RSPH10B: variants seen among roughly 807,000 people sequenced by gnomAD.
RSPH10B encodes radial spoke head 10 homolog B (Chlamydomonas).
A neutral mutation model predicts 52.5 loss-of-function variants in RSPH10B; 7 were observed. That is an observed-to-expected ratio of 0.13 (90% CI 0.08 to 0.25). The LOEUF (loss-of-function observed/expected upper bound fraction) is 0.25. RSPH10B is among the 10% of genes least tolerant of loss of function. RSPH10B has a pLI of 1.00. For synonymous variants in RSPH10B, 28 were observed against 193.2 expected (o/e 0.14, Z 7.09); for missense variants, 89 against 542.5 (o/e 0.16, Z 8.30).
chr7:5,963,165 C>T lies in RSPH10B; in HGVS notation c.399+1337G>A, dbSNP rs1489692917. 2 of 24,650 alleles carry T rather than the reference C, an allele frequency of 8.1e-5. 1 individual carries two copies. The highest frequency in any genetic ancestry group is 1.3e-4 in the Non-Finnish European group (2 of 15,804). 1.5% of individuals were successfully genotyped at this position (24,650 alleles called of 1,614,324 possible). ...AGGTTGCAGTGAGCCGAGATCCCCC[C>T]GCTGCACTCCAGCCTGGGTGACAGA... On this transcript the variant is annotated intron_variant, in intron 3 of 18. Transcript: ENST00000337579.
chr7:5,938,989 G>T (rs1479411430), intron 13 of RSPH10B, among the ~76,000 whole-genome samples, 160 bp from the exon 16 acceptor site: 1 of 76,578 alleles, frequency 1.3e-5, no homozygotes, highest in Non-Finnish European at 2.8e-5. Context: ...AGGCTGCTAG[G>T]CAGTGGCGCA....
At chr7:5,940,518 A>C (rs1459655966) in intron 13 of RSPH10B, among the ~76,000 whole-genome samples, 14 of 3,392 alleles carry the variant, frequency 4.1e-3, no homozygotes, top group Middle Eastern at 0.038. Flanking sequence ...ACAACAACAA[A>C]AAAAAAACTC....
intron 11 of RSPH10B, among the ~76,000 whole-genome samples, chr7:5,944,855 C>T (rs544133756): frequency 6.8e-6 from 1 of 146,372 alleles, no homozygotes; most frequent in East Asian, 2.0e-4. Flanking sequence ...CTCAGCTACC[C>T]AGGAGCCTGA....
chr7:5,927,033 G>GTA (rs1423274213), intron 18 of RSPH10B, among the ~76,000 whole-genome samples: 1 of 45,538 alleles, frequency 2.2e-5, no homozygotes, highest in Non-Finnish European at 4.5e-5. Context: ...GTGTGTGTGT[G>GTA]TGTGTGTGTG....
chr7:5,954,988 T>TA (rs1185408288), intron 7 of RSPH10B, among the ~76,000 whole-genome samples: 1,720 of 24,254 alleles, frequency 0.071, 160 homozygotes, highest in African/African-American at 0.086. Context: ...CTGTAACTAC[T>TA]AAAAAAAAAA....
intron 18 of RSPH10B, among the ~76,000 whole-genome samples, chr7:5,927,048 T>TGTGTGTGTGTGTGTGTGTGTGTGTGTG (rs1347951159): frequency 2.8e-5 from 2 of 70,822 alleles, no homozygotes; most frequent in African/African-American, 8.6e-5. Context: ...TGTGTGTGTA[T>TGTGTGTGTGTGTGTGTGTGTGTGTGTG]TATGTGTGTG....
At chr7:5,966,934 G>T in exon 1 of RSPH10B, 1 of 1,381,680 alleles carries the variant, frequency 7.2e-7, no homozygotes, top group South Asian at 1.1e-5. Context: ...GAACGTTTTG[G>T]CGGTCTTTTT....
chr7:5,954,143 A>ATT (rs1010958680), intron 7 of RSPH10B, among the ~76,000 whole-genome samples: 3 of 120,796 alleles, frequency 2.5e-5, no homozygotes, highest in Admixed American at 9.1e-5. Flanking sequence ...GTGCCCCACA[A>ATT]TTTTTTTTTT....
At chr7:5,931,079 G>T (rs1214284297) in intron 17 of RSPH10B, among the ~76,000 whole-genome samples, 1 of 121,396 alleles carries the variant, frequency 8.2e-6, no homozygotes, top group African/African-American at 3.1e-5. Context: ...GACTACAGGC[G>T]TGTGCCACCA....
At chr7:5,952,906 AT>A (rs1406430170) in intron 8 of RSPH10B, among the ~76,000 whole-genome samples, 168 bp downstream of exon 10, 2 of 40,836 alleles carry the variant, frequency 4.9e-5, no homozygotes, top group African/African-American at 2.9e-4. Flanking sequence ...CGCCTGGCTA[AT>A]TTTTTTTTAT....
At chr7:5,929,376 GC>G (rs1779697536) in intron 17 of RSPH10B, among the ~76,000 whole-genome samples, 2 of 115,014 alleles carry the variant, frequency 1.7e-5, no homozygotes, top group African/African-American at 7.3e-5. Context: ...TCGCTATGTT[GC>G]CCATGGTCTC....
chr7:5,931,316 G>T lies in RSPH10B; in HGVS notation c.2233+1466C>A, dbSNP rs1419375629. Among the ~76,000 whole-genome samples, 2 of 151,076 alleles carry T rather than the reference G, an allele frequency of 1.3e-5. 1 individual carries two copies. Among genetic ancestry groups the T allele is most frequent in the African/African-American group, 4.9e-5 (2 of 41,042 alleles). The stretch of plus-strand genomic sequence containing the variant: ...CACTGGAGGAGGAGTAACGGGAAAC[G>T]ACAGGCACTGTAGAGGGGGATACAC... On this transcript the variant is annotated intron_variant, in intron 17 of 18. Coordinates refer to ENST00000337579, the Ensembl canonical transcript of RSPH10B.
intron 1 of RSPH10B, among the ~76,000 whole-genome samples, chr7:5,966,298 T>A (rs1287030903): frequency 9.0e-5 from 8 of 88,956 alleles, no homozygotes; most frequent in African/African-American, 3.0e-4. Context: ...AATTGTACAC[T>A]TAAAATAATT....
exon 18 of RSPH10B, chr7:5,928,387 A>G (rs150260925): frequency 1.2e-6 from 2 of 1,612,886 alleles, no homozygotes; most frequent in Non-Finnish European, 1.7e-6. Context: ...TGGGTCTCTC[A>G]TATTTCTCTG....
At position 5,940,056 on chromosome 7, in the gene RSPH10B, G is replaced by T. The variant is rs925104215; in HGVS notation, c.1759-1227C>A. On this transcript the variant is annotated intron_variant, in intron 13 of 18. Coordinates refer to ENST00000337579, the Ensembl canonical transcript of RSPH10B. Reference sequence around the variant, plus strand: ...CTAAAAATACAAAAAAATTAGCTGCGCATGGTGGCGTGTGCCTGTAGTCCC... The same window carrying T: ...CTAAAAATACAAAAAAATTAGCTGCTCATGGTGGCGTGTGCCTGTAGTCCC... Among the ~76,000 whole-genome samples, 7 of 129,552 alleles carry T rather than the reference G, an allele frequency of 5.4e-5. 2 individuals carry two copies. Among genetic ancestry groups the T allele is most frequent in the Non-Finnish European group, 1.2e-4 (7 of 56,136 alleles). 85.0% of individuals were successfully genotyped at this position (129,552 alleles called of 152,430 possible).
chr7:5,927,056 G>GTATATA (rs1562553137), intron 18 of RSPH10B, among the ~76,000 whole-genome samples: 2 of 78,312 alleles, frequency 2.6e-5, no homozygotes, highest in African/African-American at 1.2e-4. Flanking sequence ...TATTATGTGT[G>GTATATA]TGTGTGTGTG....
chr7:5,931,847 G>A (rs904772145), intron 17 of RSPH10B, among the ~76,000 whole-genome samples: 2 of 150,934 alleles, frequency 1.3e-5, no homozygotes, highest in Non-Finnish European at 3.0e-5. Context: ...AAAAATACAA[G>A]GTGCAGTGAT....
Position 5,926,374 on chromosome 7 carries a change from TTTC to T in RSPH10B, c.2604_2606del (p.Lys869del), listed in dbSNP as rs573685130. The T allele has an allele frequency of 5.9e-4, 863 of 1,450,766 alleles. 3 individuals are homozygous for T. The highest frequency in any genetic ancestry group is 3.5e-3 in the African/African-American group (227 of 64,364). The allele number at this position is 1,450,766 out of a possible 1,614,324, so 89.9% of individuals were successfully genotyped here. A position where few individuals can be genotyped will look rare whatever the true frequency, so the allele number is the denominator to read the frequency against. ...TGTGTGTCCTCGTGTCTCTCTACTT[TTTC>T]TTCTTCTTGCTGGTGATGGTCTTGC... On this transcript the variant is annotated inframe_deletion, in exon 19 of 19. Coordinates refer to ENST00000337579, the Ensembl canonical transcript of RSPH10B.
Position 5,940,132 on chromosome 7 carries a change from G to A in RSPH10B, c.1759-1303C>T, listed in dbSNP as rs1271042018. 2.5e-5 allele frequency among the ~76,000 whole-genome samples: 3 copies of A among 119,564 alleles called. 1 individual carries two copies. The highest frequency in any genetic ancestry group is 5.8e-5 in the Non-Finnish European group (3 of 51,676). 78.4% of individuals were successfully genotyped at this position (119,564 alleles called of 152,430 possible). On this transcript the variant is annotated intron_variant, in intron 13 of 18. Transcript: ENST00000337579. ...GAATCACTTGAGCCCAGGAGGCAGA[G>A]GTTGCAGTGAGGTGAGATCGTGCCA...
Sources: gnomAD v4.1 joint callset for allele counts (sites outside exome capture counted in the v4.1 genomes callset) on GRCh38, gnomAD v4.1.1 for gene constraint, MANE v1.5 for transcripts, NCBI Gene and HGNC (gene_info 2026-07-23, HGNC 2026-07-21) for gene names.